ARMC2: variants seen among roughly 807,000 people sequenced by gnomAD.
The protein encoded by ARMC2 is armadillo repeat-containing protein 2.
A neutral mutation model predicts 90.3 loss-of-function variants in ARMC2; 67 were observed. The ratio of observed to expected loss-of-function variants is 0.74; its 90% CI spans 0.61 to 0.91. ARMC2 has a LOEUF of 0.91. Ranked by LOEUF, ARMC2 falls within the 40% of genes least tolerant of loss-of-function variation. The pLI is 0.00. For missense variants in ARMC2, 920 were observed against 1,030.9 expected, an observed-to-expected ratio of 0.89 and a Z score of 1.47; for synonymous variants, 393 against 393.0, an observed-to-expected ratio of 1.00 and a Z score of 0.00.
the ARMC2 span, chr6:108,998,857 C>CAA: frequency 1.9e-5 from 25 of 1,322,806 alleles, no homozygotes; most frequent in Non-Finnish European, 2.4e-5. Context: ...AGTCATCATA[C>CAA]AAAGCCTAGC....
intron 12 of ARMC2, among the ~76,000 whole-genome samples, chr6:108,946,905 G>A (rs1776845760): frequency 6.6e-6 from 1 of 152,188 alleles, no homozygotes; most frequent in Non-Finnish European, 1.5e-5. Flanking sequence ...GAGTCGGGGA[G>A]GAATGTGTTC....
In ARMC2 at chr6:108,964,312, A is replaced by G. The variant is rs1778207768; in HGVS notation, c.2285A>G (p.Lys762Arg). 3 of 1,613,636 alleles carry G rather than the reference A, an allele frequency of 1.9e-6. No homozygotes were observed. The highest frequency in any genetic ancestry group is 2.5e-6 in the Non-Finnish European group (3 of 1,179,764). Residue 762 changes from lysine (K) to arginine (R), a missense_variant and splice_region_variant, in exon 16 of 18, where the codon AAG (lysine) becomes AGG (arginine). Transcript: ENST00000392644. The part of the protein sequence containing the change: ...VILKEGGGIK[K>R]LVDCLRDLGP... ...TTGAAAGAAGGAGGTGGCATTAAAA[A>G]GTAAGTTTCAGGGCGTAGAGTACTG... is the stretch of plus-strand genomic sequence containing the variant.
At chr6:108,998,726 C>A in the ARMC2 span, 10 of 1,613,008 alleles carry the variant, frequency 6.2e-6, no homozygotes, top group Non-Finnish European at 8.5e-6. Context: ...CCGCAAGGGA[C>A]CAGCTGTGCT....
chr6:109,041,980 A>C, the ARMC2 span, among the ~76,000 whole-genome samples: 2 of 152,168 alleles, frequency 1.3e-5, no homozygotes, highest in Admixed American at 1.3e-4. Flanking sequence ...TAAAAGAATG[A>C]AAATCATGCA....
At chr6:108,911,158 G>T (rs988184610) in intron 9 of ARMC2, among the ~76,000 whole-genome samples, 157 bp downstream of exon 9, 13 of 152,142 alleles carry the variant, frequency 8.5e-5, no homozygotes, top group African/African-American at 3.1e-4. Context: ...ATCCTTCTCT[G>T]TTTTCCACAT....
At chr6:108,880,024 A>T (rs1777364602) in intron 5 of ARMC2, 2 of 441,522 alleles carry the variant, frequency 4.5e-6, no homozygotes, top group South Asian at 3.4e-5. Flanking sequence ...AAATAAGAAA[A>T]GAGGGCTTCT....
intron 5 of ARMC2, among the ~76,000 whole-genome samples, chr6:108,877,025 G>A (rs377305431): frequency 6.6e-6 from 1 of 152,180 alleles, no homozygotes; most frequent in South Asian, 2.1e-4. Context: ...TTGAGTATTT[G>A]GTGGCTGGAA....
At chr6:108,861,058 A>G (rs1384537849) in intron 3 of ARMC2, among the ~76,000 whole-genome samples, 1 of 152,220 alleles carries the variant, frequency 6.6e-6, no homozygotes, top group Non-Finnish European at 1.5e-5. Flanking sequence ...TTTAGAGAAT[A>G]AACCCATCTT....
the ARMC2 span, chr6:109,009,301 G>T: frequency 7.1e-7 from 1 of 1,412,272 alleles, no homozygotes; most frequent in Non-Finnish European, 9.3e-7. Flanking sequence ...AGGGCAGCTC[G>T]GCCGGGTGCC....
At chr6:109,017,024 ATATTT>A in the ARMC2 span, among the ~76,000 whole-genome samples, 2 of 151,958 alleles carry the variant, frequency 1.3e-5, no homozygotes, top group Non-Finnish European at 2.9e-5. Flanking sequence ...ATTATTTTAT[ATATTT>A]TATATTTTAT....
At chr6:108,991,228 AGTGTGTGTGTGTGTGT>A in the ARMC2 span, among the ~76,000 whole-genome samples, 1 of 148,048 alleles carries the variant, frequency 6.8e-6, no homozygotes, top group Non-Finnish European at 1.5e-5. Flanking sequence ...TCAAATTATG[AGTGTGTGTGTGTGTGT>A]GTGTGTGTGT....
At chr6:108,982,625 C>T in the ARMC2 span, among the ~76,000 whole-genome samples, 1 of 152,242 alleles carries the variant, frequency 6.6e-6, no homozygotes, top group East Asian at 1.9e-4. Context: ...ACATCCTCAC[C>T]AACACTTGTT....
At chr6:109,032,944 C>T in the ARMC2 span, among the ~76,000 whole-genome samples, 2 of 152,132 alleles carry the variant, frequency 1.3e-5, no homozygotes. Context: ...CTTGTAAGAA[C>T]CCACACAGGT....
At chr6:108,956,114 C>T (rs539407746) in intron 13 of ARMC2, among the ~76,000 whole-genome samples, 6 of 152,254 alleles carry the variant, frequency 3.9e-5, no homozygotes, top group East Asian at 3.9e-4. Context: ...ACCGACTGGG[C>T]GAATTCTCAT....
At chr6:108,998,542 T>C in the ARMC2 span, 1 of 1,613,916 alleles carries the variant, frequency 6.2e-7, no homozygotes, top group South Asian at 1.1e-5. Flanking sequence ...TTGACCGGCA[T>C]CTCATCCACA....
At chr6:108,985,757 T>C in the ARMC2 span, among the ~76,000 whole-genome samples, 1 of 152,198 alleles carries the variant, frequency 6.6e-6, no homozygotes, top group Admixed American at 6.5e-5. Flanking sequence ...AAATTTTAAC[T>C]ATCTTCTTGG....
the ARMC2 span, among the ~76,000 whole-genome samples, chr6:109,042,082 T>G: frequency 6.6e-6 from 1 of 151,992 alleles, no homozygotes; most frequent in Admixed American, 6.5e-5. Flanking sequence ...ATTTGCAAAC[T>G]AAACACCACA....
the ARMC2 span, chr6:109,009,427 T>C: frequency 1.4e-6 from 2 of 1,395,268 alleles, no homozygotes; most frequent in East Asian, 3.1e-5. Flanking sequence ...AAAGGGGCCG[T>C]GTACGCCTCG....
intron 5 of ARMC2, among the ~76,000 whole-genome samples, chr6:108,878,260 A>G (rs890420785): frequency 6.6e-6 from 1 of 152,208 alleles, no homozygotes; most frequent in Non-Finnish European, 1.5e-5. Flanking sequence ...CCCAGTTTTG[A>G]TGGTAGAGCC....
Sources: allele counts gnomAD v4.1 joint callset (sites outside exome capture counted in the v4.1 genomes callset), GRCh38; gene constraint gnomAD v4.1.1; transcripts MANE v1.5; gene names NCBI Gene and HGNC (gene_info 2026-07-23, HGNC 2026-07-21).